Variants in CECR2 observed in about 807,000 individuals in gnomAD.
CECR2 encodes the protein CECR2 histone acetyl-lysine reader.
CECR2 carries 30 observed loss-of-function variants against 154.5 expected under a neutral mutation model. The ratio of observed to expected loss-of-function variants is 0.19; its 90% CI spans 0.15 to 0.26. The LOEUF is 0.26. Among genes scored for constraint, CECR2 ranks in the 10% least tolerant of loss-of-function variants. The pLI is 1.00. For synonymous variants in CECR2, 725 were observed against 683.7 expected (o/e 1.06, Z -0.94); for missense variants, 1,743 against 1,829.3 (o/e 0.95, Z 0.86).
chr22:17,435,127 A>G (rs1205517154), intron 1 of CECR2, among the ~76,000 whole-genome samples: 2 of 152,154 alleles, frequency 1.3e-5, no homozygotes, highest in Non-Finnish European at 1.5e-5. Flanking sequence ...ACTGTGAATC[A>G]GTCAGACTTG....
chr22:17,505,008 G>T lies in CECR2; in HGVS notation c.862G>T (p.Ala288Ser). ...CCTGCCTGAGATCTGCAACATGATC[G>T]CCCAGAAGGTGCGCCACACTCTCTG... ...DFLPEICNMI[A>S]QKGKRPQRTK... Residue 288 changes from alanine (A) to serine (S), a missense_variant, in exon 7 of 19, where the codon GCC becomes TCC. Coordinates refer to ENST00000262608, the MANE Select transcript of CECR2 (RefSeq NM_001290047.2). 3 of 1,612,996 alleles carry T rather than the reference G, an allele frequency of 1.9e-6. No individual in the cohort carries two copies. Among genetic ancestry groups the T allele is most frequent in the Non-Finnish European group, 8.5e-7 (1 of 1,179,688 alleles).
At chr22:17,492,400 G>C (rs1278771539) in intron 2 of CECR2, among the ~76,000 whole-genome samples, 1 of 152,144 alleles carries the variant, frequency 6.6e-6, no homozygotes, top group Non-Finnish European at 1.5e-5. Context: ...AGTTCCAGCC[G>C]GCAGAGGCTT....
intron 1 of CECR2, among the ~76,000 whole-genome samples, chr22:17,412,384 C>T (rs2054080325): frequency 6.6e-6 from 1 of 152,148 alleles, no homozygotes; most frequent in South Asian, 2.1e-4. Context: ...CTCTTCTTTC[C>T]TTGTTCATTC....
chr22:17,381,513 C>T (rs4273306), intron 1 of CECR2, among the ~76,000 whole-genome samples: 68,821 of 152,020 alleles, frequency 0.45, 16,590 homozygotes, highest in Middle Eastern at 0.6. Context: ...CCCCTGACTC[C>T]GCTTGGATTT....
intron 2 of CECR2, among the ~76,000 whole-genome samples, chr22:17,496,830 A>G (rs1386655677): frequency 6.6e-6 from 1 of 152,138 alleles, no homozygotes; most frequent in African/African-American, 2.4e-5. Flanking sequence ...GCTTTTACCC[A>G]TTCCACCAGA....
intron 1 of CECR2, among the ~76,000 whole-genome samples, chr22:17,464,039 G>T (rs1191233167): frequency 2.0e-5 from 3 of 152,182 alleles, no homozygotes; most frequent in Non-Finnish European, 4.4e-5. Context: ...TAGTATGATG[G>T]AGGCTGAGAA....
In CECR2 at chr22:17,398,225, T is replaced by G. The variant is rs543189919; in HGVS notation, c.126+28316T>G. Among the ~76,000 whole-genome samples the G allele has an allele frequency of 9.2e-5, 14 of 151,976 alleles. No homozygotes were observed. In the South Asian group the frequency reaches 2.9e-3, roughly 32 times the overall value. Reference sequence around the variant, plus strand: ...AAGTGGGGGGGGGTATTATAAAATATAAAATACGTGTTATAAAGAGGGAGC... The same window carrying G: ...AAGTGGGGGGGGGTATTATAAAATAGAAAATACGTGTTATAAAGAGGGAGC... On this transcript the variant is annotated intron_variant, in intron 1 of 18. Coordinates refer to ENST00000262608, the MANE Select transcript of CECR2 (RefSeq NM_001290047.2).
At chr22:17,504,427 T>A (rs974608408) in intron 6 of CECR2, among the ~76,000 whole-genome samples, 1 of 148,278 alleles carries the variant, frequency 6.7e-6, no homozygotes, top group African/African-American at 2.4e-5. Flanking sequence ...TTATTTTATT[T>A]TTTTTATTTT....
intron 1 of CECR2, among the ~76,000 whole-genome samples, chr22:17,469,280 C>G (rs1420331334): frequency 6.6e-6 from 1 of 152,144 alleles, no homozygotes; most frequent in African/African-American, 2.4e-5. Context: ...TACACTGTTG[C>G]ATTGGGGATT....
chr22:17,503,043 T>A, intron 5 of CECR2, 39 bp from the exon 6 acceptor site: 4 of 1,598,266 alleles, frequency 2.5e-6, no homozygotes, highest in Non-Finnish European at 3.4e-6. Context: ...TTTGGACCTG[T>A]CTTTGTTTTA....
intron 17 of CECR2, among the ~76,000 whole-genome samples, chr22:17,550,869 G>A (rs1437411666): frequency 6.6e-6 from 1 of 152,114 alleles, no homozygotes; most frequent in African/African-American, 2.4e-5. Context: ...GTGAACCTGG[G>A]AGGCGGAGCT....
chr22:17,506,513 C>T (rs2055847963), intron 7 of CECR2, among the ~76,000 whole-genome samples: 1 of 152,174 alleles, frequency 6.6e-6, no homozygotes, highest in Non-Finnish European at 1.5e-5. Flanking sequence ...TCCTTGTTTC[C>T]CCCAGCCTTT....
At chr22:17,471,406 T>G (rs1298367139) in intron 1 of CECR2, among the ~76,000 whole-genome samples, 2 of 152,204 alleles carry the variant, frequency 1.3e-5, no homozygotes, top group Non-Finnish European at 2.9e-5. Flanking sequence ...CACCAAAGAC[T>G]TTTGAACAAA....
chr22:17,382,869 T>TC (rs1263974696), intron 1 of CECR2, among the ~76,000 whole-genome samples: 1 of 151,370 alleles, frequency 6.6e-6, no homozygotes, highest in Non-Finnish European at 1.5e-5. Flanking sequence ...AACACTGCAC[T>TC]CCCCCCTGGG....
intron 1 of CECR2, among the ~76,000 whole-genome samples, chr22:17,399,941 TA>T (rs2053867348): frequency 6.6e-6 from 1 of 152,254 alleles, no homozygotes; most frequent in East Asian, 1.9e-4. Context: ...GATGACATGC[TA>T]ATGCTCACAT....
chr22:17,393,928 C>T (rs1346289185), intron 1 of CECR2, among the ~76,000 whole-genome samples: 26 of 138,664 alleles, frequency 1.9e-4, no homozygotes, highest in African/African-American at 6.9e-4. Flanking sequence ...GCTCTTGTTG[C>T]CCAGGCTGGA....
At chr22:17,378,876 G>A (rs1328876580) in intron 1 of CECR2, among the ~76,000 whole-genome samples, 1 of 152,160 alleles carries the variant, frequency 6.6e-6, no homozygotes, top group Non-Finnish European at 1.5e-5. Context: ...GAAATTTAAG[G>A]AAGTTAAAGT....
chr22:17,460,991 C>A (rs1170030824), intron 1 of CECR2, among the ~76,000 whole-genome samples: 2 of 152,156 alleles, frequency 1.3e-5, no homozygotes, highest in African/African-American at 4.8e-5. Context: ...ATCCTGGAGA[C>A]CTGTTTGGGG....
In CECR2 at chr22:17,381,649, C is replaced by CA. The variant is rs148746492; in HGVS notation, c.126+11741dup. On this transcript the variant is annotated intron_variant, in intron 1 of 18. Transcript: ENST00000262608. ...ATACTGAGGTTGCAGAGGTATGTGG[C>CA]AGAGTCCCTGTTGTGCTGCTGCCCT... Among the ~76,000 whole-genome samples the CA allele has an allele frequency of 6.6e-3, 1,000 of 152,266 alleles. 11 individuals carry two copies. Among genetic ancestry groups the CA allele is most frequent in the African/African-American group, 0.023 (956 of 41,542 alleles).
Sources: gnomAD v4.1 joint callset for allele counts (sites outside exome capture counted in the v4.1 genomes callset) on GRCh38, gnomAD v4.1.1 for gene constraint, MANE v1.5 for transcripts, NCBI Gene and HGNC (gene_info 2026-07-23, HGNC 2026-07-21) for gene names.